TNFRSF11A: variants seen among roughly 807,000 people sequenced by gnomAD.
TNFRSF11A encodes the protein tumor necrosis factor receptor superfamily member 11A.
A neutral mutation model predicts 55.7 loss-of-function variants in TNFRSF11A; 32 were observed. The ratio of observed to expected loss-of-function variants is 0.57; its 90% CI spans 0.43 to 0.77. The LOEUF is 0.77. TNFRSF11A is among the 30% of genes least tolerant of loss of function. The pLI is 0.00. For missense variants in TNFRSF11A, 753 were observed against 809.8 expected (o/e 0.93, Z 0.85); for synonymous variants, 311 against 331.0 (o/e 0.94, Z 0.65).
chr18:62,353,460 T>A (rs765080276), intron 3 of TNFRSF11A, among the ~76,000 whole-genome samples: 17 of 152,196 alleles, frequency 1.1e-4, no homozygotes, highest in Non-Finnish European at 2.1e-4. Context: ...TCGTTTACCT[T>A]CTGTGAGCTG....
chr18:62,365,977 C>T (rs561479717), intron 7 of TNFRSF11A, among the ~76,000 whole-genome samples: 1 of 152,118 alleles, frequency 6.6e-6, no homozygotes, highest in African/African-American at 2.4e-5. Flanking sequence ...GCCACCATGC[C>T]CGGCTAATTT....
chr18:62,356,732 C>G (rs939697069), intron 4 of TNFRSF11A, among the ~76,000 whole-genome samples: 1 of 152,240 alleles, frequency 6.6e-6, no homozygotes, highest in Non-Finnish European at 1.5e-5. Context: ...CCAATGTCCA[C>G]TTGTCACCTC....
intron 1 of TNFRSF11A, among the ~76,000 whole-genome samples, chr18:62,326,751 G>A (rs1197708185): frequency 6.6e-6 from 1 of 152,170 alleles, no homozygotes; most frequent in Admixed American, 6.5e-5. Flanking sequence ...GCTGTTTCCC[G>A]TCTTTTTGCC....
intron 3 of TNFRSF11A, among the ~76,000 whole-genome samples, chr18:62,352,061 G>A (rs112270564): frequency 6.6e-6 from 1 of 152,204 alleles, no homozygotes; most frequent in Non-Finnish European, 1.5e-5. Flanking sequence ...CTCCCAAAGC[G>A]CTGGGATTAC....
Position 62,369,361 on chromosome 18 carries a change from G to C in TNFRSF11A, c.1444G>C (p.Glu482Gln), listed in dbSNP as rs769478485. 8.7e-6 allele frequency: 14 copies of C among 1,610,236 alleles called. No homozygotes were observed. The African/African-American group carries it at 1.3e-4, about 15-fold the overall frequency. The stretch of plus-strand genomic sequence containing the variant: ...CTATGGCATGGGCCTTCCCCCTGAA[G>C]AAGAAGCCAGCAGGACGGAGGCCAG... ...CAYGMGLPPE[E>Q]EASRTEARDQ... The change falls in exon 9 of 10, where the codon GAA (glutamate) becomes CAA (glutamine). Residue 482 changes from glutamate (E) to glutamine (Q), a missense_variant. Around this residue, in one of 3 missense-constraint regions of TNFRSF11A, gnomAD observed 567 missense variants for 596.7 expected, o/e 0.95. Transcript: ENST00000586569.
chr18:62,370,062 T>C (rs775861953), intron 9 of TNFRSF11A, among the ~76,000 whole-genome samples: 2 of 152,240 alleles, frequency 1.3e-5, no homozygotes, highest in Non-Finnish European at 2.9e-5. Context: ...GCCCCTTTTA[T>C]AACCACAACG....
intron 1 of TNFRSF11A, among the ~76,000 whole-genome samples, chr18:62,326,290 C>A (rs900184738): frequency 6.6e-6 from 1 of 152,134 alleles, no homozygotes; most frequent in African/African-American, 2.4e-5. Context: ...GCACGGAACC[C>A]GGAGAGGCGT....
intron 1 of TNFRSF11A, among the ~76,000 whole-genome samples, chr18:62,326,550 C>G (rs550988034): frequency 5.3e-4 from 81 of 152,134 alleles, no homozygotes; most frequent in Non-Finnish European, 1.1e-3. Flanking sequence ...CTTATTTGAA[C>G]CAAAGGACCA....
At chr18:62,354,877 T>G (rs1909140755) in intron 4 of TNFRSF11A, among the ~76,000 whole-genome samples, 1 of 152,184 alleles carries the variant, frequency 6.6e-6, no homozygotes, top group Admixed American at 6.5e-5. Context: ...TTTTGAAAAG[T>G]GTGCACCCAT....
At position 62,384,935 on chromosome 18, in the gene TNFRSF11A, C is replaced by G. The variant is rs1206865550; in HGVS notation, c.1752C>G (p.Asn584Lys). 4 of 1,543,888 alleles carry G rather than the reference C, an allele frequency of 2.6e-6. No individual in the cohort carries two copies. Among genetic ancestry groups the G allele is most frequent in the Middle Eastern group, 1.7e-4 (1 of 5,854 alleles). ...TLARRDSFAG[N>K]GPRFPDPCGG... The stretch of plus-strand genomic sequence containing the variant: ...CGCGCCGAGACTCCTTCGCGGGGAA[C>G]GGCCCGCGCTTCCCGGACCCGTGCG... Residue 584 changes from asparagine to lysine, a missense_variant, in exon 10 of 10, where the codon AAC becomes AAG. By Grantham distance (94) the Asn-to-Lys change is moderately conservative. Transcript: ENST00000586569.
At chr18:62,361,566 G>A in intron 6 of TNFRSF11A, 114 bp from the exon 7 acceptor site, 1 of 1,023,394 alleles carries the variant, frequency 9.8e-7, no homozygotes, top group South Asian at 1.3e-5. Flanking sequence ...TGTCACTTCT[G>A]CTATCCCAGA....
chr18:62,337,929 T>C (rs1252632949), intron 1 of TNFRSF11A, among the ~76,000 whole-genome samples: 1 of 152,210 alleles, frequency 6.6e-6, no homozygotes, highest in African/African-American at 2.4e-5. Context: ...CAGTCAGTGT[T>C]GTCAGCAGCT....
At chr18:62,378,312 G>A (rs186801844) in intron 9 of TNFRSF11A, among the ~76,000 whole-genome samples, 6 of 152,336 alleles carry the variant, frequency 3.9e-5, no homozygotes, top group South Asian at 4.1e-4. Context: ...GCAGACTTGC[G>A]TGATGAGAAA....
chr18:62,333,790 A>G (rs781670124), intron 1 of TNFRSF11A, among the ~76,000 whole-genome samples: 1 of 152,190 alleles, frequency 6.6e-6, no homozygotes, highest in Non-Finnish European at 1.5e-5. Context: ...GGGGACACCC[A>G]TGCAAATGCG....
chr18:62,365,280 G>A (rs1414646632), intron 7 of TNFRSF11A, among the ~76,000 whole-genome samples: 1 of 152,148 alleles, frequency 6.6e-6, no homozygotes, highest in African/African-American at 2.4e-5. Context: ...AGTCTTTATA[G>A]TGAACCCAAC....
At chr18:62,367,058 C>T (rs1416586988) in intron 8 of TNFRSF11A, among the ~76,000 whole-genome samples, 1 of 152,212 alleles carries the variant, frequency 6.6e-6, no homozygotes, top group African/African-American at 2.4e-5. Flanking sequence ...CCGTGTTGGC[C>T]ACGCTAGTCT....
chr18:62,327,971 CTG>C (rs2046098890), intron 1 of TNFRSF11A, among the ~76,000 whole-genome samples: 1 of 152,202 alleles, frequency 6.6e-6, no homozygotes, highest in African/African-American at 2.4e-5. Context: ...TAGATGCACA[CTG>C]TTTTCATTAA....
At chr18:62,372,714 A>G (rs866506375) in intron 9 of TNFRSF11A, among the ~76,000 whole-genome samples, 6 of 152,088 alleles carry the variant, frequency 3.9e-5, no homozygotes, top group Admixed American at 6.5e-5. Flanking sequence ...CTTTATGTCC[A>G]TGAATACCCA....
intron 1 of TNFRSF11A, among the ~76,000 whole-genome samples, chr18:62,340,627 AT>A (rs1180896658): frequency 2.6e-5 from 4 of 151,636 alleles, no homozygotes; most frequent in South Asian, 2.1e-4. Flanking sequence ...TGGCAGCAGA[AT>A]TTTTTTTTCA....
Sources: gnomAD v4.1 joint callset for allele counts (sites outside exome capture counted in the v4.1 genomes callset) on GRCh38, gnomAD v4.1.1 for gene constraint, gnomAD v4.1.1 regional missense constraint, MANE v1.5 for transcripts, NCBI Gene and HGNC (gene_info 2026-07-23, HGNC 2026-07-21) for gene names.